RAB28: variants seen among roughly 807,000 people sequenced by gnomAD.
The protein encoded by RAB28 is RAB28, member RAS oncogene family.
In RAB28, 24 loss-of-function variants were observed where a neutral mutation model predicts 31.7. The ratio of observed to expected loss-of-function variants is 0.76; its 90% CI spans 0.55 to 1.06. RAB28 has a LOEUF of 1.06. Ranked by LOEUF, RAB28 falls within the 50% of genes least tolerant of loss-of-function variation. The probability of loss-of-function intolerance (pLI) is 0.00; values close to 1 mark genes in which losing one functional copy is unlikely to be tolerated. For missense variants in RAB28, 254 were observed against 258.5 expected (o/e 0.98, Z 0.12); for synonymous variants, 100 against 90.4 (o/e 1.11, Z -0.60).
intron 4 of RAB28, chr4:13,460,041 A>G: frequency 5.9e-6 from 3 of 511,946 alleles, no homozygotes; most frequent in Non-Finnish European, 9.8e-6. Flanking sequence ...AAAAGATTGT[A>G]CACACTCTTA....
chr4:13,477,538 C>T (rs1018816629), intron 2 of RAB28, among the ~76,000 whole-genome samples: 1 of 151,164 alleles, frequency 6.6e-6, no homozygotes, highest in Non-Finnish European at 1.5e-5. Flanking sequence ...CACCTCATTT[C>T]TTAATATACC....
At chr4:13,418,059 T>A (rs1049958920) in intron 4 of RAB28, among the ~76,000 whole-genome samples, 1 of 152,158 alleles carries the variant, frequency 6.6e-6, no homozygotes, top group Non-Finnish European at 1.5e-5. Context: ...AGACCTTAAA[T>A]GACCTGATGG....
intron 4 of RAB28, among the ~76,000 whole-genome samples, chr4:13,390,733 G>C (rs1460007215): frequency 5.3e-5 from 8 of 152,058 alleles, no homozygotes; most frequent in Non-Finnish European, 8.8e-5. Flanking sequence ...CAGAACAGAG[G>C]CCTCAGAAAT....
chr4:13,411,055 A>G (rs68036621), intron 4 of RAB28, among the ~76,000 whole-genome samples: 22,305 of 152,128 alleles, frequency 0.15, 1,713 homozygotes, highest in South Asian at 0.28. Context: ...AAATTTCCCA[A>G]TACTCCAAAG....
rs189883850 is a variant in RAB28, at chr4:13,464,416, C to G, written c.262-3588G>C. ...GTTCCCAACTCCAGCCCCCTGTAGC[C>G]GGTCTGTCTCATCTAACTGGGAGGA... is the stretch of plus-strand genomic sequence containing the variant. On this transcript the variant is annotated intron_variant, in intron 3 of 6. Transcript: ENST00000330852. Among the ~76,000 whole-genome samples, 307 of 152,212 alleles carry G rather than the reference C, an allele frequency of 2.0e-3. 2 individuals carry two copies. The highest frequency in any genetic ancestry group is 7.1e-3 in the African/African-American group (294 of 41,548).
chr4:13,438,317 G>A (rs540896514), intron 4 of RAB28, among the ~76,000 whole-genome samples: 65 of 152,186 alleles, frequency 4.3e-4, no homozygotes, highest in African/African-American at 9.9e-4. Flanking sequence ...ATTTTAAAGC[G>A]TACAGTTTTT....
chr4:13,375,149 G>A (rs1350027600), intron 6 of RAB28, among the ~76,000 whole-genome samples: 3 of 152,082 alleles, frequency 2.0e-5, no homozygotes, highest in Non-Finnish European at 4.4e-5. Flanking sequence ...TGCAAATTCT[G>A]GCTCCACCAC....
At chr4:13,427,772 G>C (rs997872068) in intron 4 of RAB28, among the ~76,000 whole-genome samples, 1 of 152,148 alleles carries the variant, frequency 6.6e-6, no homozygotes. Context: ...TGAATGCTCA[G>C]GGCATTCAGT....
At chr4:13,452,622 A>C in intron 4 of RAB28, among the ~76,000 whole-genome samples, 1 of 152,172 alleles carries the variant, frequency 6.6e-6, no homozygotes, top group East Asian at 1.9e-4. Context: ...ATATAGTCAG[A>C]TAAGATACTT....
chr4:13,452,991 TTGC>T (rs1227014128), intron 4 of RAB28, among the ~76,000 whole-genome samples: 1 of 152,158 alleles, frequency 6.6e-6, no homozygotes, highest in Non-Finnish European at 1.5e-5. Flanking sequence ...TTATGTTCTC[TTGC>T]TGAATTCATC....
intron 4 of RAB28, among the ~76,000 whole-genome samples, chr4:13,429,193 C>T (rs1481823863): frequency 2.6e-5 from 4 of 151,916 alleles, no homozygotes; most frequent in African/African-American, 9.7e-5. Context: ...GTGATCCACC[C>T]GCCTCAGCCT....
intron 3 of RAB28, among the ~76,000 whole-genome samples, chr4:13,467,979 A>G (rs771336253): frequency 5.3e-5 from 8 of 151,978 alleles, no homozygotes; most frequent in Non-Finnish European, 1.0e-4. Context: ...GTAGCTATAT[A>G]ATTTGAGACA....
chr4:13,432,918 C>T (rs1713888964), intron 4 of RAB28, among the ~76,000 whole-genome samples: 1 of 150,234 alleles, frequency 6.7e-6, no homozygotes. Context: ...CCTCATATGT[C>T]AATATTAACC....
intron 4 of RAB28, among the ~76,000 whole-genome samples, chr4:13,430,262 A>G (rs886295596): frequency 3.3e-5 from 5 of 152,166 alleles, no homozygotes; most frequent in Admixed American, 3.3e-4. Flanking sequence ...CCTCAGAGAG[A>G]AGACCAAAGG....
At chr4:13,465,638 G>A (rs1239106126) in intron 3 of RAB28, among the ~76,000 whole-genome samples, 1 of 151,802 alleles carries the variant, frequency 6.6e-6, no homozygotes, top group East Asian at 1.9e-4. Flanking sequence ...CTGCTCTGAA[G>A]GAAATATTAA....
intron 1 of RAB28, among the ~76,000 whole-genome samples, chr4:13,482,413 T>G (rs1461798878): frequency 6.6e-6 from 1 of 152,182 alleles, no homozygotes; most frequent in Non-Finnish European, 1.5e-5. Flanking sequence ...GCAATTTTTG[T>G]GTCTTTTTAC....
intron 4 of RAB28, among the ~76,000 whole-genome samples, chr4:13,445,025 T>C (rs1412197127): frequency 2.0e-5 from 3 of 152,176 alleles, no homozygotes; most frequent in African/African-American, 7.2e-5. Flanking sequence ...CTATCAATCG[T>C]AGGTTCAGTC....
chr4:13,408,346 A>G (rs1712223499), intron 4 of RAB28, among the ~76,000 whole-genome samples: 1 of 152,210 alleles, frequency 6.6e-6, no homozygotes, highest in Non-Finnish European at 1.5e-5. Context: ...CCACCCTTGC[A>G]TCCCAAGGAT....
At chr4:13,461,069 G>C (rs763769817) in intron 3 of RAB28, among the ~76,000 whole-genome samples, 1 of 152,200 alleles carries the variant, frequency 6.6e-6, no homozygotes, top group Non-Finnish European at 1.5e-5. Flanking sequence ...TATCAAAATT[G>C]TAAGTGGTCT....
Sources: gnomAD v4.1 joint callset for allele counts (sites outside exome capture counted in the v4.1 genomes callset) on GRCh38, gnomAD v4.1.1 for gene constraint, MANE v1.5 for transcripts, NCBI Gene and HGNC (gene_info 2026-07-23, HGNC 2026-07-21) for gene names.